IFT57: variants seen among roughly 807,000 people sequenced by gnomAD.
IFT57 encodes the protein intraflagellar transport protein 57 homolog.
IFT57 carries 59 observed loss-of-function variants against 56.8 expected under a neutral mutation model. The ratio of observed to expected loss-of-function variants is 1.04; its 90% CI spans 0.84 to 1.29. The LOEUF is 1.29. IFT57 is among the 50% of genes most tolerant of loss of function. IFT57 has a pLI of 0.00. For missense variants in IFT57, 470 were observed against 522.1 expected (o/e 0.90, Z 0.97); for synonymous variants, 209 against 186.1 (o/e 1.12, Z -1.00).
chr3:108,178,449 T>G (rs907842317), intron 6 of IFT57, among the ~76,000 whole-genome samples: 1 of 151,974 alleles, frequency 6.6e-6, no homozygotes, highest in Non-Finnish European at 1.5e-5. Context: ...ATATTAAAGT[T>G]AAGTCACTGT....
chr3:108,171,099 T>A (rs954556485), intron 6 of IFT57, among the ~76,000 whole-genome samples: 1 of 151,928 alleles, frequency 6.6e-6, no homozygotes, highest in Non-Finnish European at 1.5e-5. Context: ...TTGTGAATAG[T>A]CCCATTCTAC....
chr3:108,171,915 G>T (rs2080094817), intron 6 of IFT57, among the ~76,000 whole-genome samples: 1 of 151,108 alleles, frequency 6.6e-6, no homozygotes, highest in South Asian at 2.1e-4. Context: ...GTTTCTCTTT[G>T]CCTGTTTCTC....
intron 4 of IFT57, among the ~76,000 whole-genome samples, chr3:108,207,335 C>T (rs764745486): frequency 2.0e-5 from 3 of 152,172 alleles, no homozygotes; most frequent in African/African-American, 7.2e-5. Flanking sequence ...CTTTGAGAGC[C>T]AACTCCCTCC....
intron 6 of IFT57, among the ~76,000 whole-genome samples, chr3:108,186,603 G>A (rs768693381): frequency 2.0e-5 from 3 of 151,982 alleles, no homozygotes; most frequent in Admixed American, 6.6e-5. Flanking sequence ...ACCAAATTGC[G>A]GAAGAATTGG....
At chr3:108,186,425 T>C (rs906989076) in intron 6 of IFT57, among the ~76,000 whole-genome samples, 1 of 151,868 alleles carries the variant, frequency 6.6e-6, no homozygotes, top group African/African-American at 2.4e-5. Flanking sequence ...AGGAGATGAT[T>C]TGATGGAGAT....
intron 5 of IFT57, among the ~76,000 whole-genome samples, chr3:108,200,758 A>C (rs1251853922): frequency 6.6e-6 from 1 of 152,158 alleles, no homozygotes; most frequent in Non-Finnish European, 1.5e-5. Flanking sequence ...AGATTATGAA[A>C]ATAAAGCCAT....
At chr3:108,176,342 C>T (rs772964670) in intron 6 of IFT57, among the ~76,000 whole-genome samples, 45 of 151,764 alleles carry the variant, frequency 3.0e-4, no homozygotes, top group Non-Finnish European at 5.5e-4. Flanking sequence ...TTTCACAGAT[C>T]GGGTAACAAA....
Position 108,162,524 on chromosome 3 carries a change from T to A in IFT57, c.1243A>T (p.Asn415Tyr). The A allele has an allele frequency of 1.2e-6, 2 of 1,611,818 alleles. No individual in the cohort carries two copies. The highest frequency in any genetic ancestry group is 2.2e-5 in the South Asian group (2 of 90,778). Residue 415 changes from asparagine to tyrosine, a missense_variant, in exon 11 of 11, where the codon AAC becomes TAC. By Grantham distance (143) the Asn-to-Tyr change is moderately radical (BLOSUM62 -2). Transcript: ENST00000264538. ...KLKEKSNMTR[N>Y]MHATVIPEPA... Reference sequence around the variant, plus strand: ...TCTGGAATAACTGTGGCATGCATGTTCCTAGTCATGTTGGACTTCTCCTTC... The same window carrying A: ...TCTGGAATAACTGTGGCATGCATGTACCTAGTCATGTTGGACTTCTCCTTC...
intron 5 of IFT57, among the ~76,000 whole-genome samples, chr3:108,202,126 T>C (rs1190020305): frequency 6.6e-6 from 1 of 152,222 alleles, no homozygotes; most frequent in East Asian, 1.9e-4. Context: ...AATGAAGTGA[T>C]GGGCATTTAA....
chr3:108,185,247 A>C (rs2080174934), intron 6 of IFT57, among the ~76,000 whole-genome samples: 2 of 152,152 alleles, frequency 1.3e-5, no homozygotes, highest in Non-Finnish European at 2.9e-5. Flanking sequence ...AAAAATGAAG[A>C]TATAATACGA....
chr3:108,195,617 C>T (rs1274257556), intron 5 of IFT57, among the ~76,000 whole-genome samples: 1 of 152,040 alleles, frequency 6.6e-6, no homozygotes, highest in African/African-American at 2.4e-5. Flanking sequence ...GGTATATATA[C>T]ACAATGGGAT....
At chr3:108,183,541 C>T (rs1156981466) in intron 6 of IFT57, among the ~76,000 whole-genome samples, 1 of 152,144 alleles carries the variant, frequency 6.6e-6, no homozygotes, top group African/African-American at 2.4e-5. Context: ...TCTAGTTTAG[C>T]CCACCTGAAG....
chr3:108,173,035 T>C (rs2080103046), intron 6 of IFT57, among the ~76,000 whole-genome samples: 1 of 151,858 alleles, frequency 6.6e-6, no homozygotes, highest in South Asian at 2.1e-4. Flanking sequence ...CTAGAAATTA[T>C]TCTCACAGAA....
intron 6 of IFT57, among the ~76,000 whole-genome samples, chr3:108,181,757 T>C (rs1032147338): frequency 3.3e-5 from 5 of 152,264 alleles, no homozygotes; most frequent in Admixed American, 2.0e-4. Context: ...CAAACATTTG[T>C]GACAGTAATT....
chr3:108,179,539 T>G (rs1271224612), intron 6 of IFT57, among the ~76,000 whole-genome samples: 1 of 152,042 alleles, frequency 6.6e-6, no homozygotes, highest in Admixed American at 6.6e-5. Flanking sequence ...ATTCTCTTTT[T>G]GCCACTTGGC....
intron 3 of IFT57, among the ~76,000 whole-genome samples, chr3:108,214,714 C>A (rs566323104): frequency 6.6e-6 from 1 of 152,144 alleles, no homozygotes; most frequent in Non-Finnish European, 1.5e-5. Flanking sequence ...GATTGAATAT[C>A]TTGTCATATT....
chr3:108,168,539 A>G (rs903699633), intron 6 of IFT57, among the ~76,000 whole-genome samples: 4 of 151,974 alleles, frequency 2.6e-5, no homozygotes, highest in Non-Finnish European at 4.4e-5. Flanking sequence ...CAAGTTTGTT[A>G]CATAGGTATA....
chr3:108,191,426 T>C (rs2080214167), intron 6 of IFT57, 95 bp downstream of exon 6: 1 of 777,698 alleles, frequency 1.3e-6, no homozygotes, highest in Non-Finnish European at 1.9e-6. Flanking sequence ...CTACTGCCCT[T>C]CTTTAATAAT....
chr3:108,187,637 C>T (rs1232307314), intron 6 of IFT57, among the ~76,000 whole-genome samples: 15 of 148,408 alleles, frequency 1.0e-4, no homozygotes, highest in Non-Finnish European at 1.5e-5. Context: ...CAGAAGGGTG[C>T]CTGATTAAAA....
Sources: allele counts gnomAD v4.1 joint callset (sites outside exome capture counted in the v4.1 genomes callset), GRCh38; gene constraint gnomAD v4.1.1; transcripts MANE v1.5; gene names NCBI Gene and HGNC (gene_info 2026-07-23, HGNC 2026-07-21).